OGA: variants seen among roughly 807,000 people sequenced by gnomAD.
OGA encodes the protein O-GlcNAcase.
OGA carries 21 observed loss-of-function variants against 102.0 expected under a neutral mutation model. The ratio of observed to expected loss-of-function variants is 0.21; its 90% CI spans 0.15 to 0.30. The LOEUF is 0.30. Ranked by LOEUF, OGA falls within the 10% of genes least tolerant of loss-of-function variation. The probability of loss-of-function intolerance (pLI) is 1.00; values close to 1 mark genes in which losing one functional copy is unlikely to be tolerated. For synonymous variants in OGA, 408 were observed against 378.2 expected (o/e 1.08, Z -0.91); for missense variants, 765 against 1,107.8 (o/e 0.69, Z 4.39).
intron 4 of OGA, among the ~76,000 whole-genome samples, chr10:101,809,763 A>G (rs1258354928): frequency 6.6e-6 from 1 of 151,612 alleles, no homozygotes; most frequent in African/African-American, 2.4e-5. Flanking sequence ...TTATAGAAAC[A>G]AAGAAATAAA....
At position 101,798,136 on chromosome 10, in the gene OGA, G is replaced by T. The variant is rs2065340249; in HGVS notation, c.1828C>A (p.Arg610=). 1 of 1,613,920 alleles carries T rather than the reference G, an allele frequency of 6.2e-7. No homozygotes were observed. The highest frequency in any genetic ancestry group is 8.5e-7 in the Non-Finnish European group (1 of 1,179,974). ...CACATCTCTTCAAACTTGGCTGCTCGTGACCGCCATTCTTCAATCTATTGA... is the reference window on the plus strand; with the variant it reads ...CACATCTCTTCAAACTTGGCTGCTCTTGACCGCCATTCTTCAATCTATTGA... ...DSEKIEEWRS[R]AAKFEEMCGL... The change falls in exon 10 of 16, where the codon CGA becomes AGA. Residue 610 remains arginine (R), a synonymous_variant. Coordinates refer to ENST00000361464, the MANE Select transcript of OGA (RefSeq NM_012215.5).
intron 13 of OGA, 52 bp from the exon 14 acceptor site, chr10:101,791,140 T>G (rs758910777): frequency 6.5e-7 from 1 of 1,531,694 alleles, no homozygotes; most frequent in South Asian, 1.2e-5. Context: ...TAATATAAAA[T>G]TCAGACTTCA....
intron 8 of OGA, among the ~76,000 whole-genome samples, chr10:101,799,730 A>G (rs1285150758): frequency 6.6e-6 from 1 of 152,218 alleles, no homozygotes; most frequent in East Asian, 1.9e-4. Context: ...ACTTCAAAAA[A>G]TATGTTTTTA....
chr10:101,798,780 T>C (rs1481250307), intron 9 of OGA, 62 bp downstream of exon 9: 2 of 1,535,104 alleles, frequency 1.3e-6, no homozygotes, highest in African/African-American at 2.8e-5. Context: ...AAGAACCTTT[T>C]CCACATTACC....
intron 4 of OGA, among the ~76,000 whole-genome samples, chr10:101,809,208 T>C (rs1398301179): frequency 2.6e-5 from 4 of 152,208 alleles, no homozygotes; most frequent in East Asian, 1.9e-4. Context: ...CTAGGGTATA[T>C]ATAATTTCTC....
At position 101,784,615 on chromosome 10, in the gene OGA, C is replaced by G. The variant is rs756607896; in HGVS notation, c.*1836G>C. 6.6e-6 allele frequency: 1 copy of G among 152,368 alleles called. No homozygotes were observed. The highest frequency in any genetic ancestry group is 1.5e-5 in the Non-Finnish European group (1 of 68,034). The allele number at this position is 152,368 out of a possible 1,614,324, so 9.4% of individuals were successfully genotyped here. A position where few individuals can be genotyped will look rare whatever the true frequency, so the allele number is the denominator to read the frequency against. On this transcript the variant is annotated 3_prime_UTR_variant, in exon 16 of 16. Coordinates refer to ENST00000361464, the MANE Select transcript of OGA (RefSeq NM_012215.5). Reference sequence around the variant, plus strand: ...GATCCTAGAGTGATGAAAGCAAGACCAGGGCATCTGTTTCACAGTCACCTG... The same window carrying G: ...GATCCTAGAGTGATGAAAGCAAGACGAGGGCATCTGTTTCACAGTCACCTG...
rs1403189416 is a variant in OGA at position 101,808,928 on chromosome 10, C to G, written c.481-1027G>C. On this transcript the variant is annotated intron_variant, in intron 4 of 15. Transcript: ENST00000361464. ...GAGGTTGCAATGAGCTGAGATCGCG[C>G]CACTGCACTCCAGCCTGGGCGACAG... 3.9e-5 allele frequency among the ~76,000 whole-genome samples: 6 copies of G among 151,920 alleles called. No homozygotes were observed. The East Asian group carries it at 9.6e-4, about 24-fold the overall frequency.
intron 15 of OGA, 122 bp from the exon 16 acceptor site, chr10:101,786,709 T>C: frequency 1.3e-6 from 1 of 797,688 alleles, no homozygotes; most frequent in Non-Finnish European, 1.8e-6. Context: ...CACCAGCTCC[T>C]ACATTTCACA....
intron 8 of OGA, among the ~76,000 whole-genome samples, chr10:101,799,976 G>A (rs999562194): frequency 6.6e-6 from 1 of 152,062 alleles, no homozygotes; most frequent in Non-Finnish European, 1.5e-5. Flanking sequence ...AGGTTGAGGC[G>A]ACTGTCCTGC....
At position 101,818,387 on chromosome 10, in the gene OGA, C is replaced by G; in HGVS notation, c.-365G>C. On this transcript the variant is annotated 5_prime_UTR_variant, in exon 1 of 16. Coordinates refer to ENST00000361464, the MANE Select transcript of OGA (RefSeq NM_012215.5). ...TCTTAGGTCTTCCGCTGTTTCCCCTCCAAGCCCCGAGCTCTCCCTCTGCTG... is the reference window on the plus strand; with the variant it reads ...TCTTAGGTCTTCCGCTGTTTCCCCTGCAAGCCCCGAGCTCTCCCTCTGCTG... 2 of 1,039,396 alleles carry G rather than the reference C, an allele frequency of 1.9e-6. No homozygotes were observed. The highest frequency in any genetic ancestry group is 2.3e-6 in the Non-Finnish European group (2 of 864,000). The allele number at this position is 1,039,396 out of a possible 1,614,324, so 64.4% of individuals were successfully genotyped here. A position where few individuals can be genotyped will look rare whatever the true frequency, so the allele number is the denominator to read the frequency against.
intron 1 of OGA, among the ~76,000 whole-genome samples, chr10:101,816,149 G>A (rs1193402792): frequency 6.6e-6 from 1 of 152,078 alleles, no homozygotes; most frequent in Non-Finnish European, 1.5e-5. Flanking sequence ...TGCAGTCCCA[G>A]CTACTTGGGA....
chr10:101,813,715 T>C, intron 1 of OGA, 109 bp from the exon 2 acceptor site: 1 of 571,616 alleles, frequency 1.7e-6, no homozygotes, highest in Non-Finnish European at 3.1e-6. Context: ...GTAAAAAGCA[T>C]AAAATACACC....
chr10:101,799,201 G>A lies in OGA; in HGVS notation c.1450C>T (p.Leu484=). The change falls in exon 9 of 16, where the codon CTG becomes TTG. Residue 484 remains leucine, a synonymous_variant. Coordinates refer to ENST00000361464, the MANE Select transcript of OGA (RefSeq NM_012215.5). ...ETDHKNDNQI[L]SEIVEAKMAE... ...ATTTTCGCTTCAACAATTTCACTCA[G>A]TATTTGATTGTCATTCTTGTGGTCC... 1 of 1,614,156 alleles carries A rather than the reference G, an allele frequency of 6.2e-7. No homozygotes were observed. Among genetic ancestry groups the A allele is most frequent in the Non-Finnish European group, 8.5e-7 (1 of 1,180,018 alleles).
intron 7 of OGA, 70 bp downstream of exon 7, chr10:101,803,665 A>G: frequency 7.0e-7 from 1 of 1,418,600 alleles, no homozygotes. Flanking sequence ...AAAGGAATGC[A>G]TACTTTCCAC....
chr10:101,814,675 C>A (rs1270260405), intron 1 of OGA, among the ~76,000 whole-genome samples: 1 of 152,210 alleles, frequency 6.6e-6, no homozygotes, highest in Non-Finnish European at 1.5e-5. Context: ...AACAGCCTAA[C>A]TGGCCCAAAC....
intron 1 of OGA, among the ~76,000 whole-genome samples, chr10:101,815,684 C>A (rs568158641): frequency 2.6e-5 from 4 of 151,902 alleles, no homozygotes; most frequent in Non-Finnish European, 5.9e-5. Context: ...CATTAAACAT[C>A]CTTTCAGAGT....
At chr10:101,803,537 A>G (rs2065425920) in intron 7 of OGA, among the ~76,000 whole-genome samples, 198 bp downstream of exon 7, 1 of 152,116 alleles carries the variant, frequency 6.6e-6, no homozygotes, top group Non-Finnish European at 1.5e-5. Flanking sequence ...TATCATATAC[A>G]TCTTCATCAA....
chr10:101,818,431 T>G lies in OGA; in HGVS notation c.-409A>C. On this transcript the variant is annotated 5_prime_UTR_variant, in exon 1 of 16. Transcript: ENST00000361464. ...TCTGCTGCTGCCTCCACCGCCCGCTTCCTGTTTATCCGCACTGCGCTTGCG... is the reference window on the plus strand; with the variant it reads ...TCTGCTGCTGCCTCCACCGCCCGCTGCCTGTTTATCCGCACTGCGCTTGCG... 1.2e-5 allele frequency: 12 copies of G among 1,008,244 alleles called. No homozygotes were observed. The highest frequency in any genetic ancestry group is 1.4e-5 in the Non-Finnish European group (12 of 844,324). 62.5% of individuals were successfully genotyped at this position (1,008,244 alleles called of 1,614,324 possible).
At chr10:101,807,963 C>A in intron 4 of OGA, 62 bp from the exon 5 acceptor site, 1 of 1,274,810 alleles carries the variant, frequency 7.8e-7, no homozygotes. Context: ...AACATTACAG[C>A]GTTAACAGTT....
Sources: gnomAD v4.1 joint callset for allele counts (sites outside exome capture counted in the v4.1 genomes callset) on GRCh38, gnomAD v4.1.1 for gene constraint, MANE v1.5 for transcripts, NCBI Gene and HGNC (gene_info 2026-07-23, HGNC 2026-07-21) for gene names.